GMEB2: variants seen among roughly 807,000 people sequenced by gnomAD.
GMEB2 encodes the protein glucocorticoid modulatory element binding protein 2, also known as glucocorticoid modulatory element-binding protein 2.
A neutral mutation model predicts 45.7 loss-of-function variants in GMEB2; 7 were observed. The observed-to-expected ratio is 0.15, with a 90% CI of 0.09 to 0.29. The LOEUF is 0.29. Ranked by LOEUF, GMEB2 falls within the 10% of genes least tolerant of loss-of-function variation. The pLI is 1.00. For missense variants in GMEB2, 582 were observed against 739.2 expected (o/e 0.79, Z 2.47); for synonymous variants, 322 against 323.6 (o/e 1.00, Z 0.05).
chr20:63,605,936 CAG>C (rs1334409782), intron 2 of GMEB2, among the ~76,000 whole-genome samples: 3 of 151,936 alleles, frequency 2.0e-5, no homozygotes, highest in Non-Finnish European at 4.4e-5. Flanking sequence ...GCCTGGGCAA[CAG>C]AGCAAGACTC....
intron 4 of GMEB2, 150 bp from the exon 5 acceptor site, chr20:63,598,010 G>C: frequency 3.3e-6 from 2 of 606,526 alleles, no homozygotes; most frequent in Non-Finnish European, 6.0e-6. Flanking sequence ...AGAGCATTCA[G>C]GTAAAACAAG....
chr20:63,598,420 C>A (rs980895251), intron 4 of GMEB2, among the ~76,000 whole-genome samples: 1 of 151,852 alleles, frequency 6.6e-6, no homozygotes, highest in African/African-American at 2.4e-5. Flanking sequence ...CTAATTTCAC[C>A]CATGTGGGAG....
chr20:63,588,733 A>T lies in GMEB2; in HGVS notation c.*1356T>A, dbSNP rs1052067796. On this transcript the variant is annotated 3_prime_UTR_variant, in exon 10 of 10. Coordinates refer to ENST00000370077, the MANE Select transcript of GMEB2 (RefSeq NM_012384.5). ...GCCTCAGACGGGCCTTCAACTGCCG[A>T]CAGAATCAGCAGGAGCGTCCAGGGG... The T allele has an allele frequency of 2.5e-6, 1 of 398,556 alleles. No homozygotes were observed. Among genetic ancestry groups the T allele is most frequent in the Admixed American group, 4.4e-5 (1 of 22,720 alleles). 24.7% of individuals were successfully genotyped at this position (398,556 alleles called of 1,614,324 possible).
chr20:63,588,636 G>A lies in GMEB2; in HGVS notation c.*1453C>T, dbSNP rs368422956. ...ATGGCGCAGAGGTGGGGTCTGGGCC[G>A]CTCACTGGACGGACAGCCAGCCAGT... is the stretch of plus-strand genomic sequence containing the variant. On this transcript the variant is annotated 3_prime_UTR_variant, in exon 10 of 10. Transcript: ENST00000370077. 1.5e-5 allele frequency: 6 copies of A among 397,744 alleles called. No homozygotes were observed. The highest frequency in any genetic ancestry group is 4.4e-5 in the Admixed American group (1 of 22,724). The allele number at this position is 397,744 out of a possible 1,614,324, so 24.6% of individuals were successfully genotyped here. A position where few individuals can be genotyped will look rare whatever the true frequency, so the allele number is the denominator to read the frequency against.
rs941122215 is a variant in GMEB2, at chr20:63,604,747, C to T, written c.225G>A (p.Val75=). ...CCACCTAGGACGGCTTCCTACCTAA[C>T]ACGGCTTCCTTGAGCTGGGAGGAGG... ...FTASSQLKEA[V]LVKMAEEGEN... is the part of the protein sequence containing the mutation. The change falls in exon 3 of 10, where the codon GTG becomes GTA. Residue 75 remains valine (V), a synonymous_variant. Coordinates refer to ENST00000370077, the MANE Select transcript of GMEB2 (RefSeq NM_012384.5). The T allele has an allele frequency of 2.5e-6, 4 of 1,592,772 alleles. No individual in the cohort carries two copies. In the Admixed American group the frequency reaches 5.0e-5, roughly 20 times the overall value.
rs968709393 is a variant in GMEB2 at position 63,589,802 on chromosome 20, C to G, written c.*287G>C. On this transcript the variant is annotated 3_prime_UTR_variant, in exon 10 of 10. Transcript: ENST00000370077. ...AGCCCCCGCCCACCTGGCTCCTGATCAAGGCCCAATGTGTAAACAGTATTA... is the reference window on the plus strand; with the variant it reads ...AGCCCCCGCCCACCTGGCTCCTGATGAAGGCCCAATGTGTAAACAGTATTA... The G allele has an allele frequency of 3.2e-6, 1 of 313,186 alleles. No individual in the cohort carries two copies. The highest frequency in any genetic ancestry group is 5.8e-6 in the Non-Finnish European group (1 of 171,524). 19.4% of individuals were successfully genotyped at this position (313,186 alleles called of 1,614,324 possible). A position where few individuals can be genotyped will look rare whatever the true frequency, so the allele number is the denominator to read the frequency against.
intron 2 of GMEB2, 94 bp from the exon 3 acceptor site, chr20:63,604,934 T>TACACTCTTCTA (rs1319183931): frequency 1.3e-6 from 1 of 768,642 alleles, no homozygotes; most frequent in East Asian, 2.5e-5. Context: ...GCTGACCTGT[T>TACACTCTTCTA]ACACTCTTCT....
At chr20:63,625,664 C>T (rs2089666228) in intron 1 of GMEB2, among the ~76,000 whole-genome samples, 1 of 152,048 alleles carries the variant, frequency 6.6e-6, no homozygotes, top group Non-Finnish European at 1.5e-5. Flanking sequence ...ATGGCACCAT[C>T]TCCACTCACT....
intron 2 of GMEB2, among the ~76,000 whole-genome samples, chr20:63,607,608 C>T (rs2089532008): frequency 3.9e-5 from 1 of 25,844 alleles, no homozygotes. Context: ...CCCTCTGACC[C>T]ACACATCCAT....
At position 63,588,748 on chromosome 20, in the gene GMEB2, G is replaced by T; in HGVS notation, c.*1341C>A. The T allele has an allele frequency of 2.5e-6, 1 of 398,710 alleles. No homozygotes were observed. Among genetic ancestry groups the T allele is most frequent in the Non-Finnish European group, 4.4e-6 (1 of 226,082 alleles). The allele number at this position is 398,710 out of a possible 1,614,324, so 24.7% of individuals were successfully genotyped here. On this transcript the variant is annotated 3_prime_UTR_variant, in exon 10 of 10. Coordinates refer to ENST00000370077, the MANE Select transcript of GMEB2 (RefSeq NM_012384.5). ...TCAACTGCCGACAGAATCAGCAGGA[G>T]CGTCCAGGGGAATCTGGCACTCAGG...
intron 4 of GMEB2, among the ~76,000 whole-genome samples, chr20:63,598,955 TC>T (rs1015673226): frequency 3.5e-4 from 53 of 152,132 alleles, no homozygotes; most frequent in African/African-American, 1.2e-3. Flanking sequence ...TCCCTGCCCC[TC>T]CTAGGCCTGC....
chr20:63,616,198 C>A (rs1204132088), intron 2 of GMEB2, among the ~76,000 whole-genome samples: 1 of 152,170 alleles, frequency 6.6e-6, no homozygotes, highest in African/African-American at 2.4e-5. Context: ...AATTCCAGCA[C>A]TTTGGGAGGC....
chr20:63,615,077 G>T (rs1277246188), intron 2 of GMEB2, among the ~76,000 whole-genome samples: 1 of 152,062 alleles, frequency 6.6e-6, no homozygotes, highest in African/African-American at 2.4e-5. Context: ...CAACCCTGTG[G>T]GGCTGGTCCC....
chr20:63,618,330 T>C (rs984445261), intron 2 of GMEB2, among the ~76,000 whole-genome samples: 1 of 152,134 alleles, frequency 6.6e-6, no homozygotes, highest in Non-Finnish European at 1.5e-5. Flanking sequence ...CACAGGTCCA[T>C]GTCTTGCTCT....
At chr20:63,597,735 C>G in intron 5 of GMEB2, 22 bp downstream of exon 5, 2 of 1,364,300 alleles carry the variant, frequency 1.5e-6, no homozygotes, top group Non-Finnish European at 2.1e-6. Context: ...AGCAGGGAGG[C>G]TGACCCTGCG....
intron 2 of GMEB2, among the ~76,000 whole-genome samples, chr20:63,618,761 G>A (rs987000015): frequency 1.3e-5 from 2 of 152,148 alleles, no homozygotes; most frequent in African/African-American, 2.4e-5. Flanking sequence ...GAGTGACACC[G>A]GCTCACAGCA....
At chr20:63,609,200 A>C (rs535574432) in intron 2 of GMEB2, among the ~76,000 whole-genome samples, 97 of 6,058 alleles carry the variant, frequency 0.016, 4 homozygotes, top group Non-Finnish European at 0.025. Flanking sequence ...GAAACATGCC[A>C]CTCTGACCCC....
At position 63,593,435 on chromosome 20, in the gene GMEB2, T is replaced by C. The variant is rs2083167354; in HGVS notation, c.620-353A>G. Reference sequence around the variant, plus strand: ...GTCAGGAGCGAGACAAGGTGATCCTTCTGCTTGACTTGTTTTCCCACCGAG... The same window carrying C: ...GTCAGGAGCGAGACAAGGTGATCCTCCTGCTTGACTTGTTTTCCCACCGAG... On this transcript the variant is annotated intron_variant, in intron 6 of 9. Coordinates refer to ENST00000370077, the MANE Select transcript of GMEB2 (RefSeq NM_012384.5). The surrounding 1 kb of genome is among the most constrained non-coding windows in gnomAD (Gnocchi z 4.7). Among the ~76,000 whole-genome samples the C allele has an allele frequency of 6.6e-6, 1 of 151,732 alleles. No homozygotes were observed.
chr20:63,619,224 C>T lies in GMEB2; in HGVS notation c.131+43G>A. The T allele has an allele frequency of 6.5e-7, 1 of 1,536,084 alleles. No homozygotes were observed. Among genetic ancestry groups the T allele is most frequent in the Non-Finnish European group, 8.8e-7 (1 of 1,141,678 alleles). Reference sequence around the variant, plus strand: ...CCAGCTGTGCCAAGGACAGCCCAACCCAAGCCCCCATCAGCCCCAATGGCA... The same window carrying T: ...CCAGCTGTGCCAAGGACAGCCCAACTCAAGCCCCCATCAGCCCCAATGGCA... On this transcript the variant is annotated intron_variant, in intron 2 of 9. Transcript: ENST00000370077. This position sits in a 1 kb window ranked among gnomAD's most constrained non-coding sequence, Gnocchi z 4.6.
Sources: allele counts gnomAD v4.1 joint callset (sites outside exome capture counted in the v4.1 genomes callset), GRCh38; gene constraint gnomAD v4.1.1; non-coding constraint Gnocchi (gnomAD v3.1); transcripts MANE v1.5; gene names NCBI Gene and HGNC (gene_info 2026-07-23, HGNC 2026-07-21).